INPP5D: variants seen among roughly 807,000 people sequenced by gnomAD.
The protein encoded by INPP5D is inositol polyphosphate-5-phosphatase D, also known as phosphatidylinositol 3,4,5-trisphosphate 5-phosphatase 1.
Under a neutral mutation model 122.9 loss-of-function variants are expected in INPP5D, and 33 were observed. The observed-to-expected ratio is 0.27, with a 90% CI of 0.20 to 0.36. The LOEUF (loss-of-function observed/expected upper bound fraction) is 0.36, where lower values mean the gene tolerates loss of function less well. Ranked by LOEUF, INPP5D falls within the 10% of genes least tolerant of loss-of-function variation. The probability of loss-of-function intolerance (pLI) is 1.00; values close to 1 mark genes in which losing one functional copy is unlikely to be tolerated. For missense variants in INPP5D, 1,053 were observed against 1,412.7 expected (o/e 0.75, Z 4.08); for synonymous variants, 584 against 576.2 (o/e 1.01, Z -0.19).
rs113423781 is a variant in INPP5D, at chr2:233,164,739, A to AT, written c.1555+319dup. Among the ~76,000 whole-genome samples, 1,554 of 152,306 alleles carry AT rather than the reference A, an allele frequency of 0.01. 21 individuals are homozygous for AT. The highest frequency in any genetic ancestry group is 0.035 in the African/African-American group (1,467 of 41,556). On this transcript the variant is annotated intron_variant, in intron 13 of 26. Transcript: ENST00000445964. The surrounding 1 kb of genome is among the most constrained non-coding windows in gnomAD (Gnocchi z 4.3). The stretch of plus-strand genomic sequence containing the variant: ...CGCTGCTGGTCGGCCCGTGGGACCC[A>AT]TTTTAAGAAGCAAGAACCTAGAAGA...
chr2:233,192,470 T>G (rs1313652391), intron 22 of INPP5D, among the ~76,000 whole-genome samples: 2 of 152,208 alleles, frequency 1.3e-5, no homozygotes, highest in Non-Finnish European at 2.9e-5. Context: ...ATTTTCATAC[T>G]TACATCACAG....
In INPP5D at chr2:233,117,457, GAA is replaced by G. The variant is rs574460725; in HGVS notation, c.199-4648_199-4647del. On this transcript the variant is annotated intron_variant, in intron 2 of 26. Coordinates refer to ENST00000445964, the MANE Select transcript of INPP5D (RefSeq NM_001017915.3). ...AATGGGAGCCGCAGCCAGATGAGAG[GAA>G]AGTTTTTTGGCGGGGGAGGGGATCT... is the stretch of plus-strand genomic sequence containing the variant. Among the ~76,000 whole-genome samples, 7 of 152,310 alleles carry G rather than the reference GAA, an allele frequency of 4.6e-5. No homozygotes were observed. In the South Asian group the frequency reaches 1.4e-3, roughly 32 times the overall value.
At chr2:233,108,827 G>A (rs932444706) in intron 2 of INPP5D, among the ~76,000 whole-genome samples, 8 of 152,284 alleles carry the variant, frequency 5.3e-5, no homozygotes, top group South Asian at 4.1e-4. Context: ...CCCCGGTACC[G>A]CAAGAACACC....
chr2:233,076,648 A>G (rs1287099882), intron 1 of INPP5D, among the ~76,000 whole-genome samples: 1 of 152,236 alleles, frequency 6.6e-6, no homozygotes, highest in Admixed American at 6.5e-5. Context: ...TCCAAAATAT[A>G]TTGTAGCATA....
chr2:233,112,915 C>T (rs1692670755), intron 2 of INPP5D, among the ~76,000 whole-genome samples: 1 of 152,138 alleles, frequency 6.6e-6, no homozygotes, highest in African/African-American at 2.4e-5. Context: ...ACCTCGGTTT[C>T]CCAAAGTGCT....
At position 233,207,021 on chromosome 2, in the gene INPP5D, C is replaced by G. The variant is rs974278395; in HGVS notation, c.*313C>G. ...ATTCTGAAGAAAGGAACTGCAGCGC[C>G]GATTTGAGGGTGGAGATATAGATAA... On this transcript the variant is annotated 3_prime_UTR_variant, in exon 27 of 27. Coordinates refer to ENST00000445964, the MANE Select transcript of INPP5D (RefSeq NM_001017915.3). This position sits in a 1 kb window ranked among gnomAD's most constrained non-coding sequence, Gnocchi z 4.6. 3.0e-6 allele frequency: 1 copy of G among 329,674 alleles called. No homozygotes were observed. The highest frequency in any genetic ancestry group is 5.6e-6 in the Non-Finnish European group (1 of 177,816). The allele number at this position is 329,674 out of a possible 1,614,324, so 20.4% of individuals were successfully genotyped here.
intron 18 of INPP5D, among the ~76,000 whole-genome samples, chr2:233,181,641 C>T (rs112308177): frequency 2.0e-5 from 3 of 152,156 alleles, no homozygotes; most frequent in Admixed American, 6.5e-5. Flanking sequence ...CATTCTCACC[C>T]GAGCACCAAG....
chr2:233,158,315 C>T lies in INPP5D; in HGVS notation c.1033C>T (p.Leu345=). 1 of 702,394 alleles carries T rather than the reference C, an allele frequency of 1.4e-6. No individual in the cohort carries two copies. The highest frequency in any genetic ancestry group is 2.6e-6 in the Non-Finnish European group (1 of 384,340). The allele number at this position is 702,394 out of a possible 1,614,324, so 43.5% of individuals were successfully genotyped here. A position where few individuals can be genotyped will look rare whatever the true frequency, so the allele number is the denominator to read the frequency against. Residue 345 remains leucine (L), a splice_region_variant and synonymous_variant, in exon 10 of 27, where the codon CTG becomes TTG. Coordinates refer to ENST00000445964, the MANE Select transcript of INPP5D (RefSeq NM_001017915.3). The part of the protein sequence containing the change: ...EDKFYSHKKI[L]QLIKSQKFLN... The stretch of plus-strand genomic sequence containing the variant: ...TAATGAATTTCTTTTCTCTTAAGTC[C>T]TGCAGCTCATTAAGTCACAGAAATT...
In INPP5D at chr2:233,186,684, C is replaced by CTTTTTTTTTTTT. The variant is rs144243823; in HGVS notation, c.2358+804_2358+815dup. Among the ~76,000 whole-genome samples the CTTTTTTTTTTTT allele has an allele frequency of 1.3e-4, 6 of 44,536 alleles. 1 individual carries two copies. The highest frequency in any genetic ancestry group is 1.7e-4 in the Non-Finnish European group (4 of 23,228). The allele number at this position is 44,536 out of a possible 152,430, so 29.2% of individuals were successfully genotyped here. A position where few individuals can be genotyped will look rare whatever the true frequency, so the allele number is the denominator to read the frequency against. On this transcript the variant is annotated intron_variant, in intron 21 of 26. Coordinates refer to ENST00000445964, the MANE Select transcript of INPP5D (RefSeq NM_001017915.3). The stretch of plus-strand genomic sequence containing the variant: ...CTTGTTTTTTTTTCTTTTTCTCTTT[C>CTTTTTTTTTTTT]TTTTTTTTTTTTTTTTTTTTTTTTT...
At chr2:233,096,574 C>T (rs748442858) in intron 2 of INPP5D, among the ~76,000 whole-genome samples, 3 of 152,076 alleles carry the variant, frequency 2.0e-5, no homozygotes, top group African/African-American at 7.2e-5. Context: ...ATCACTTGAA[C>T]CTGGGAGGCG....
Position 233,100,051 on chromosome 2 carries a change from C to T in INPP5D, c.198+20653C>T, listed in dbSNP as rs1053740532. On this transcript the variant is annotated intron_variant, in intron 2 of 26. Coordinates refer to ENST00000445964, the MANE Select transcript of INPP5D (RefSeq NM_001017915.3). This position sits in a 1 kb window ranked among gnomAD's most constrained non-coding sequence, Gnocchi z 5.3. ...AGAGCCGCCATAATTCAATCACCTCCCACCGGGTTCCTCCCACGACACGTG... is the reference window on the plus strand; with the variant it reads ...AGAGCCGCCATAATTCAATCACCTCTCACCGGGTTCCTCCCACGACACGTG... 3.9e-5 allele frequency among the ~76,000 whole-genome samples: 6 copies of T among 152,216 alleles called. No individual in the cohort carries two copies. The highest frequency in any genetic ancestry group is 7.3e-5 in the Non-Finnish European group (5 of 68,030).
intron 2 of INPP5D, among the ~76,000 whole-genome samples, chr2:233,103,858 C>T (rs1192634819): frequency 6.7e-6 from 1 of 150,200 alleles, no homozygotes; most frequent in Non-Finnish European, 1.5e-5. Flanking sequence ...AGGCATGTAC[C>T]ACCATGCCTG....
At chr2:233,086,171 T>TTCTC (rs1691838369) in intron 2 of INPP5D, among the ~76,000 whole-genome samples, 1 of 149,766 alleles carries the variant, frequency 6.7e-6, no homozygotes, top group Non-Finnish European at 1.5e-5. Flanking sequence ...CTTTCTTTCT[T>TTCTC]TCTTTCTTTC....
At chr2:233,153,839 G>T (rs1340590821) in intron 9 of INPP5D, among the ~76,000 whole-genome samples, 2 of 152,338 alleles carry the variant, frequency 1.3e-5, no homozygotes, top group Non-Finnish European at 2.9e-5. Flanking sequence ...ACAGTCACTT[G>T]CTGAGTGCTG....
At chr2:233,147,397 G>A in intron 8 of INPP5D, 74 bp from the exon 9 acceptor site, 1 of 690,928 alleles carries the variant, frequency 1.4e-6, no homozygotes, top group Non-Finnish European at 2.7e-6. Context: ...ATGTAGACAA[G>A]GGGTTCGGGC....
intron 17 of INPP5D, among the ~76,000 whole-genome samples, chr2:233,175,441 G>A (rs1159262645): frequency 6.6e-6 from 1 of 152,086 alleles, no homozygotes; most frequent in East Asian, 1.9e-4. Context: ...CAATGGAGAT[G>A]TTAGTCACAC....
intron 22 of INPP5D, among the ~76,000 whole-genome samples, chr2:233,192,911 G>C (rs1042423096): frequency 2.0e-5 from 3 of 152,146 alleles, no homozygotes; most frequent in Non-Finnish European, 4.4e-5. Flanking sequence ...GCATTGGGTG[G>C]TTTTGTTTTT....
rs776466412 is a variant in INPP5D, at chr2:233,147,461, C to T, written c.907-10C>T. 2.7e-5 allele frequency: 19 copies of T among 704,104 alleles called. No homozygotes were observed. Among genetic ancestry groups the T allele is most frequent in the East Asian group, 1.6e-4 (6 of 37,438 alleles). The allele number at this position is 704,104 out of a possible 1,614,324, so 43.6% of individuals were successfully genotyped here. A position where few individuals can be genotyped will look rare whatever the true frequency, so the allele number is the denominator to read the frequency against. On this transcript the variant is annotated splice_polypyrimidine_tract_variant and intron_variant, in intron 8 of 26. Coordinates refer to ENST00000445964, the MANE Select transcript of INPP5D (RefSeq NM_001017915.3). ...AAAATCAATCAGTGACACATCTCTT[C>T]TCTTCTAAGGTGAAGGCAGAGTCTC... is the stretch of plus-strand genomic sequence containing the variant.
chr2:233,063,052 C>T (rs1691116858), intron 1 of INPP5D, among the ~76,000 whole-genome samples: 1 of 152,214 alleles, frequency 6.6e-6, no homozygotes, highest in Non-Finnish European at 1.5e-5. Context: ...CCCTACCACC[C>T]TTAGTTTTCT....
Sources: allele counts gnomAD v4.1 joint callset (sites outside exome capture counted in the v4.1 genomes callset), GRCh38; gene constraint gnomAD v4.1.1; non-coding constraint Gnocchi (gnomAD v3.1); transcripts MANE v1.5; gene names NCBI Gene and HGNC (gene_info 2026-07-23, HGNC 2026-07-21).